Variants in ABCG8 observed in about 807,000 individuals in gnomAD.
ABCG8 encodes ATP-binding cassette sub-family G member 8.
A neutral mutation model predicts 71.3 loss-of-function variants in ABCG8; 81 were observed. The observed-to-expected ratio is 1.14, with a 90% CI of 0.95 to 1.37. The LOEUF (loss-of-function observed/expected upper bound fraction) is 1.37, where lower values mean the gene tolerates loss of function less well. Among genes scored for constraint, ABCG8 ranks in the 40% most tolerant of loss-of-function variants. The pLI, the probability that ABCG8 is intolerant of heterozygous loss-of-function variation, is 0.00. For synonymous variants in ABCG8, 451 were observed against 354.7 expected (o/e 1.27, Z -3.05); for missense variants, 1,119 against 866.2 (o/e 1.29, Z -3.66).
intron 6 of ABCG8, among the ~76,000 whole-genome samples, chr2:43,861,785 C>T (rs559357369): frequency 3.3e-5 from 5 of 150,366 alleles, no homozygotes; most frequent in South Asian, 2.1e-4. Context: ...GAAATTTCAC[C>T]ATCTGCATAG....
chr2:43,877,852 T>C lies in ABCG8; in HGVS notation c.1961T>C (p.Phe654Ser). The C allele has an allele frequency of 6.2e-7, 1 of 1,614,130 alleles. No individual in the cohort carries two copies. The highest frequency in any genetic ancestry group is 8.5e-7 in the Non-Finnish European group (1 of 1,180,016). Reference protein sequence around the residue: ...YLIVIGLSGGFMVLYYVSLRF... With the variant: ...YLIVIGLSGGSMVLYYVSLRF... ...ATCGTCATTGGCCTCAGCGGTGGCT[T>C]CATGGTCCTGTACTACGTGTCCTTA... Residue 654 changes from phenylalanine to serine, a missense_variant, in exon 13 of 13, where the codon TTC (phenylalanine) becomes TCC (serine). Physicochemically the swap from Phe to Ser is radical, Grantham distance 155. Transcript: ENST00000272286.
chr2:43,839,386 CTTTTTTCT>C (rs1668480065), intron 1 of ABCG8, among the ~76,000 whole-genome samples: 2 of 83,650 alleles, frequency 2.4e-5, no homozygotes, highest in African/African-American at 7.9e-5. Context: ...TTCACTTTTT[CTTTTTTCT>C]TTTCTTCTCT....
chr2:43,866,531 C>T (rs1282681980), intron 6 of ABCG8, among the ~76,000 whole-genome samples: 10 of 152,040 alleles, frequency 6.6e-5, no homozygotes, highest in Middle Eastern at 3.4e-3. Flanking sequence ...AAAAAGTGGG[C>T]GAAGGACATG....
intron 6 of ABCG8, among the ~76,000 whole-genome samples, chr2:43,867,252 C>G (rs2104939228): frequency 6.6e-6 from 1 of 151,142 alleles, no homozygotes; most frequent in African/African-American, 2.4e-5. Flanking sequence ...TGCTAGATGA[C>G]GAGTTAGCGG....
chr2:43,846,204 A>G lies in ABCG8; in HGVS notation c.215A>G (p.Lys72Arg). ...VPWFEQLAQF[K>R]MPWTSPSCQN... ...TGGTTTGAGCAGCTGGCTCAGTTCAAGATGCCCTGGACATCTCCCAGCTGC... is the reference window on the plus strand; with the variant it reads ...TGGTTTGAGCAGCTGGCTCAGTTCAGGATGCCCTGGACATCTCCCAGCTGC... The change falls in exon 3 of 13, where the codon AAG (lysine) becomes AGG (arginine). Residue 72 changes from lysine (K) to arginine (R), a missense_variant. Physicochemically the swap from Lys to Arg is conservative, Grantham distance 26. Transcript: ENST00000272286. 2 of 1,614,090 alleles carry G rather than the reference A, an allele frequency of 1.2e-6. No homozygotes were observed. The highest frequency in any genetic ancestry group is 1.7e-6 in the Non-Finnish European group (2 of 1,180,024).
chr2:43,869,052 G>C (rs1669653239), intron 6 of ABCG8, among the ~76,000 whole-genome samples: 1 of 151,954 alleles, frequency 6.6e-6, no homozygotes, highest in Admixed American at 6.6e-5. Context: ...TCACCATCCG[G>C]ATACAACTCT....
rs771547389 is a variant in ABCG8 at position 43,844,562 on chromosome 2, A to G, written c.119A>G (p.Tyr40Cys). The G allele has an allele frequency of 1.9e-6, 3 of 1,614,170 alleles. No homozygotes were observed. The highest frequency in any genetic ancestry group is 2.5e-6 in the Non-Finnish European group (3 of 1,180,020). ...SESDNSLYFT[Y>C]SGQPNTLEVR... ...AGTGACAACAGCCTGTACTTCACCT[A>G]CAGTGGCCAGCCCAACACCCTGGAG... The change falls in exon 2 of 13, where the codon TAC becomes TGC. Residue 40 changes from tyrosine to cysteine, a missense_variant. By Grantham distance (194) the Tyr-to-Cys change is radical. Coordinates refer to ENST00000272286, the MANE Select transcript of ABCG8 (RefSeq NM_022437.3).
At chr2:43,872,199 C>G (rs376947530) in intron 7 of ABCG8, 24 bp from the exon 8 acceptor site, 8 of 1,613,920 alleles carry the variant, frequency 5.0e-6, no homozygotes, top group Non-Finnish European at 6.8e-6. Flanking sequence ...CCCCCATGAC[C>G]TGGCCACATC....
At chr2:43,873,120 T>G (rs1243402465) in intron 8 of ABCG8, among the ~76,000 whole-genome samples, 1 of 152,140 alleles carries the variant, frequency 6.6e-6, no homozygotes, top group East Asian at 1.9e-4. Flanking sequence ...TAAGTCCATC[T>G]TGATGGCCAG....
intron 6 of ABCG8, among the ~76,000 whole-genome samples, chr2:43,861,401 G>A (rs1162930997): frequency 6.6e-6 from 1 of 150,874 alleles, no homozygotes; most frequent in Non-Finnish European, 1.5e-5. Flanking sequence ...TATCTGTCTG[G>A]ATCGTATTCC....
chr2:43,860,689 A>G (rs1365014924), intron 6 of ABCG8, among the ~76,000 whole-genome samples: 2 of 147,616 alleles, frequency 1.4e-5, no homozygotes, highest in East Asian at 2.0e-4. Flanking sequence ...AACTCTGACA[A>G]TCTCTCTGGA....
rs554511587 is a variant in ABCG8, at chr2:43,867,924, ACT to A, written c.965-4048_965-4047del. Among the ~76,000 whole-genome samples, 13 of 146,482 alleles carry A rather than the reference ACT, an allele frequency of 8.9e-5. No individual in the cohort carries two copies. In the East Asian group the frequency reaches 2.7e-3, roughly 30 times the overall value. On this transcript the variant is annotated intron_variant, in intron 6 of 12. Transcript: ENST00000272286. ...ATAGAATTCTGACTCGCTGGATAAA[ACT>A]CTCACTATCCGTTTGGATAGAATTC... is the stretch of plus-strand genomic sequence containing the variant.
At chr2:43,844,185 T>C (rs964748796) in intron 1 of ABCG8, among the ~76,000 whole-genome samples, 4 of 152,094 alleles carry the variant, frequency 2.6e-5, no homozygotes, top group Admixed American at 1.3e-4. Flanking sequence ...TTTATAGAAC[T>C]CTCTCCGGTC....
intron 9 of ABCG8, 113 bp from the exon 10 acceptor site, chr2:43,874,294 A>G (rs997311498): frequency 1.1e-5 from 11 of 983,574 alleles, no homozygotes; most frequent in Non-Finnish European, 1.8e-5. Flanking sequence ...AAAAAATTAG[A>G]GACTTGGGCA....
chr2:43,873,803 G>C lies in ABCG8; in HGVS notation c.1228G>C (p.Asp410His). 1.2e-6 allele frequency: 2 copies of C among 1,614,006 alleles called. No individual in the cohort carries two copies. Among genetic ancestry groups the C allele is most frequent in the East Asian group, 2.2e-5 (1 of 44,874 alleles). ...TTLIRRQISN[D>H]FRDLPTLLIH... ...GTTTTTAAGTCGTCAGATTTCCAAC[G>C]ACTTCCGAGACCTGCCCACCCTCCT... The change falls in exon 9 of 13, where the codon GAC becomes CAC. Residue 410 changes from aspartate to histidine, a missense_variant. By Grantham distance (81) the Asp-to-His change is moderately conservative (BLOSUM62 -1). Transcript: ENST00000272286.
rs2104958040 is a variant in ABCG8, at chr2:43,882,691, G to T, written c.*4778G>T. 1 of 152,352 alleles carries T rather than the reference G, an allele frequency of 6.6e-6. No individual in the cohort carries two copies. The highest frequency in any genetic ancestry group is 2.4e-5 in the African/African-American group (1 of 41,584). The allele number at this position is 152,352 out of a possible 1,614,324, so 9.4% of individuals were successfully genotyped here. A position where few individuals can be genotyped will look rare whatever the true frequency, so the allele number is the denominator to read the frequency against. On this transcript the variant is annotated 3_prime_UTR_variant, in exon 13 of 13. Transcript: ENST00000272286. Reference sequence around the variant, plus strand: ...TGTCTTTATCACATGAGCTCTGCCTGAGGCAGCTTCAGCAGGTAGGCAGGC... The same window carrying T: ...TGTCTTTATCACATGAGCTCTGCCTTAGGCAGCTTCAGCAGGTAGGCAGGC...
chr2:43,851,817 A>G lies in ABCG8; in HGVS notation c.556A>G (p.Lys186Glu), dbSNP rs2104919135. The G allele has an allele frequency of 6.2e-7, 1 of 1,614,122 alleles. No individual in the cohort carries two copies. The highest frequency in any genetic ancestry group is 2.2e-5 in the East Asian group (1 of 44,884). ...PRTFSQAQRD[K>E]RVEDVIAELR... ...AACCTTCTCCCAGGCCCAGCGTGACAAAAGGGTAACTAACTGGCCCCAGTG... is the reference window on the plus strand; with the variant it reads ...AACCTTCTCCCAGGCCCAGCGTGACGAAAGGGTAACTAACTGGCCCCAGTG... The change falls in exon 4 of 13, where the codon AAA (lysine) becomes GAA (glutamate). Residue 186 changes from lysine (K) to glutamate (E), a missense_variant. Lys to Glu is a moderately conservative substitution (Grantham distance 56). Transcript: ENST00000272286.
At chr2:43,872,457 T>A (rs1669816714) in intron 8 of ABCG8, 151 bp downstream of exon 8, 2 of 935,230 alleles carry the variant, frequency 2.1e-6, no homozygotes, top group South Asian at 2.9e-5. Context: ...GTTGGTGGCT[T>A]ATGCCTGTAA....
chr2:43,875,783 AC>A (rs1669941162), intron 11 of ABCG8, among the ~76,000 whole-genome samples: 1 of 152,100 alleles, frequency 6.6e-6, no homozygotes, highest in Non-Finnish European at 1.5e-5. Flanking sequence ...GGTCTCTGTA[AC>A]CTGGGCCCCT....
Sources: allele counts gnomAD v4.1 joint callset (sites outside exome capture counted in the v4.1 genomes callset), GRCh38; gene constraint gnomAD v4.1.1; transcripts MANE v1.5; gene names NCBI Gene and HGNC (gene_info 2026-07-23, HGNC 2026-07-21).